The following HERC2 variants were observed in gnomAD, a reference collection of about 807,000 sequenced individuals.
HERC2 encodes E3 ubiquitin-protein ligase HERC2.
A neutral mutation model predicts 537.7 loss-of-function variants in HERC2; 102 were observed. That is an observed-to-expected ratio of 0.19 (90% CI 0.16 to 0.22). The LOEUF is 0.22. Ranked by LOEUF, HERC2 falls within the 10% of genes least tolerant of loss-of-function variation. The pLI is 1.00. For synonymous variants in HERC2, 2,224 were observed against 2,466.2 expected (o/e 0.90, Z 2.91); for missense variants, 4,236 against 6,198.2 (o/e 0.68, Z 10.63).
At chr15:28,187,206 G>A (rs369362041) in intron 55 of HERC2, among the ~76,000 whole-genome samples, 3 of 152,184 alleles carry the variant, frequency 2.0e-5, no homozygotes, top group Non-Finnish European at 1.5e-5. Flanking sequence ...CCATGACCCA[G>A]CTCAACAGTT....
rs777186189 is a variant in HERC2 at position 28,233,651 on chromosome 15, T to C, written c.4351+13A>G. ...GCAGTGTACCTAAAGTACACAGATA[T>C]CGAGCTCCTTACCTAAATCTTCATG... On this transcript the variant is annotated intron_variant, in intron 28 of 92. Coordinates refer to ENST00000261609, the MANE Select transcript of HERC2 (RefSeq NM_004667.6). The C allele has an allele frequency of 1.9e-6, 3 of 1,613,918 alleles. No individual in the cohort carries two copies. Among genetic ancestry groups the C allele is most frequent in the Admixed American group, 1.7e-5 (1 of 60,012 alleles).
intron 4 of HERC2, among the ~76,000 whole-genome samples, chr15:28,286,724 TTAGA>T (rs1395740045): frequency 3.3e-5 from 5 of 152,172 alleles, no homozygotes; most frequent in Admixed American, 6.5e-5. Context: ...TAAGAATGAT[TTAGA>T]TAGTTACTAA....
intron 2 of HERC2, among the ~76,000 whole-genome samples, chr15:28,304,860 C>T (rs1321995417): frequency 8.5e-6 from 1 of 117,882 alleles, no homozygotes; most frequent in Admixed American, 8.5e-5. Flanking sequence ...CCCCTCCCCC[C>T]TCCCCCCACC....
At chr15:28,185,770 A>G (rs948662732) in intron 56 of HERC2, among the ~76,000 whole-genome samples, 1 of 152,134 alleles carries the variant, frequency 6.6e-6, no homozygotes, top group African/African-American at 2.4e-5. Context: ...TGACAGATCA[A>G]TGCTCCAATG....
intron 57 of HERC2, among the ~76,000 whole-genome samples, chr15:28,180,814 T>C (rs947713109): frequency 1.3e-5 from 2 of 152,236 alleles, no homozygotes; most frequent in Non-Finnish European, 2.9e-5. Flanking sequence ...ATAACAACTA[T>C]TGACATACCA....
At chr15:28,316,056 G>A (rs1324666673) in intron 2 of HERC2, 3 of 178,312 alleles carry the variant, frequency 1.7e-5, no homozygotes, top group Admixed American at 9.2e-5. Context: ...CTCTTCCGCT[G>A]TTTAAAAAAA....
In HERC2 at chr15:28,198,523, A is replaced by T. The variant is rs372574331; in HGVS notation, c.7886-20T>A. 1.4e-4 allele frequency: 222 copies of T among 1,611,482 alleles called. No homozygotes were observed. In the African/African-American group the frequency reaches 2.7e-3, roughly 20 times the overall value. On this transcript the variant is annotated intron_variant, in intron 49 of 92. Transcript: ENST00000261609. ...GATAGCCTACAGATGTCAATAACAA[A>T]TCATTATAATCAATATTCATTTAAG...
intron 5 of HERC2, among the ~76,000 whole-genome samples, chr15:28,279,650 C>A (rs1229628060): frequency 3.3e-5 from 5 of 149,802 alleles, no homozygotes; most frequent in African/African-American, 9.8e-5. Flanking sequence ...CACACACACA[C>A]AAATTGTTTT....
chr15:28,231,168 G>A (rs542215531), intron 30 of HERC2, among the ~76,000 whole-genome samples: 69 of 152,194 alleles, frequency 4.5e-4, no homozygotes, highest in Admixed American at 1.2e-3. Flanking sequence ...AATCTCCTCA[G>A]CATATAATAT....
rs140550308 is a variant in HERC2 at position 28,233,591 on chromosome 15, G to A, written c.4352-30C>T. On this transcript the variant is annotated intron_variant, in intron 28 of 92. Transcript: ENST00000261609. ...AAAAAGACATTTAAAAGAAGGGCAGGGATGAATATGTACCTCAGGTTAGTC... is the reference window on the plus strand; with the variant it reads ...AAAAAGACATTTAAAAGAAGGGCAGAGATGAATATGTACCTCAGGTTAGTC... 1,443 of 1,613,716 alleles carry A rather than the reference G, an allele frequency of 8.9e-4. 13 individuals are homozygous for A. Among genetic ancestry groups the A allele is most frequent in the Middle Eastern group, 6.4e-3 (39 of 6,056 alleles).
chr15:28,229,123 G>A (rs1901559802), intron 34 of HERC2, 72 bp downstream of exon 34: 1 of 1,312,288 alleles, frequency 7.6e-7, no homozygotes, highest in South Asian at 1.2e-5. Flanking sequence ...GCAAAAATTG[G>A]CATTTGCAAG....
At chr15:28,300,823 CAAAAAAAAAAAAAAAAAAA>C (rs57696757) in intron 2 of HERC2, among the ~76,000 whole-genome samples, 2 of 13,160 alleles carry the variant, frequency 1.5e-4, no homozygotes, top group African/African-American at 4.0e-4. Context: ...GACTCCATCT[CAAAAAAAAAAAAAAAAAAA>C]AAAAAAAAAA....
intron 2 of HERC2, among the ~76,000 whole-genome samples, chr15:28,307,349 T>G (rs2076817538): frequency 6.6e-6 from 1 of 152,250 alleles, no homozygotes; most frequent in Non-Finnish European, 1.5e-5. Context: ...TGTATTATTT[T>G]CTTCATTTCA....
chr15:28,174,099 C>T (rs1226241613), intron 65 of HERC2, among the ~76,000 whole-genome samples: 1 of 152,042 alleles, frequency 6.6e-6, no homozygotes, highest in East Asian at 1.9e-4. Context: ...CAAAAGAGCC[C>T]AGTACAGTGC....
In HERC2 at chr15:28,111,858, C is replaced by G. The variant is rs1887682764; in HGVS notation, c.14410G>C (p.Glu4804Gln). The change falls in exon 93 of 93, where the codon GAG becomes CAG. Residue 4804 changes from glutamate to glutamine, a missense_variant. This residue lies in a region of HERC2 where 313 missense variants were observed against 462.6 expected (regional missense o/e 0.68). Transcript: ENST00000261609. ...DDYARIALTG[E>Q]PAADDSSDDS... is the part of the protein sequence containing the mutation. ...TCGCTGCTGTCGTCGGCGGCTGGCTCTCCTGTAAGTGCGATGCGAGCGTAG... is the reference window on the plus strand; with the variant it reads ...TCGCTGCTGTCGTCGGCGGCTGGCTGTCCTGTAAGTGCGATGCGAGCGTAG... The G allele has an allele frequency of 6.2e-7, 1 of 1,614,084 alleles. No homozygotes were observed. Among genetic ancestry groups the G allele is most frequent in the Non-Finnish European group, 8.5e-7 (1 of 1,180,044 alleles).
intron 69 of HERC2, among the ~76,000 whole-genome samples, chr15:28,153,532 T>A (rs1892671781): frequency 1.3e-5 from 2 of 151,850 alleles, no homozygotes; most frequent in Non-Finnish European, 2.9e-5. Context: ...GTGCCTGTAG[T>A]CCCACCTACC....
intron 70 of HERC2, among the ~76,000 whole-genome samples, 177 bp downstream of exon 70, chr15:28,152,500 T>A (rs1371189572): frequency 1.3e-5 from 2 of 152,244 alleles, no homozygotes; most frequent in Non-Finnish European, 2.9e-5. Context: ...ACTTTCTATA[T>A]CATGATTTAT....
At chr15:28,307,584 T>G (rs2076824879) in intron 2 of HERC2, among the ~76,000 whole-genome samples, 1 of 152,256 alleles carries the variant, frequency 6.6e-6, no homozygotes, top group Non-Finnish European at 1.5e-5. Flanking sequence ...AATTTCACTC[T>G]TAATTTCTTC....
At chr15:28,214,338 G>C in intron 40 of HERC2, 66 bp from the exon 41 acceptor site, 1 of 1,369,410 alleles carries the variant, frequency 7.3e-7, no homozygotes, top group Non-Finnish European at 1.0e-6. Context: ...AAAGGAGACG[G>C]CTACCCACCT....
Sources: allele counts gnomAD v4.1 joint callset (sites outside exome capture counted in the v4.1 genomes callset), GRCh38; gene constraint gnomAD v4.1.1; regional missense constraint gnomAD v4.1.1; transcripts MANE v1.5; gene names NCBI Gene and HGNC (gene_info 2026-07-23, HGNC 2026-07-21).